AGBL1: variants seen among roughly 807,000 people sequenced by gnomAD.
AGBL1 encodes AGBL carboxypeptidase 1.
AGBL1 carries 130 observed loss-of-function variants against 118.9 expected under a neutral mutation model. That is an observed-to-expected ratio of 1.09 (90% confidence interval 0.95 to 1.26). The LOEUF is 1.26. AGBL1 is among the 50% of genes most tolerant of loss of function. The pLI is 0.00. For synonymous variants in AGBL1, 555 were observed against 478.9 expected (o/e 1.16, Z -2.08); for missense variants, 1,584 against 1,298.1 (o/e 1.22, Z -3.38).
chr15:86,554,652 T>G (rs2083707879), intron 21 of AGBL1, 115 bp downstream of exon 21: 1 of 1,118,344 alleles, frequency 8.9e-7, no homozygotes. Flanking sequence ...AAGTAGAGTT[T>G]GGTCCTCCCT....
intron 7 of AGBL1, among the ~76,000 whole-genome samples, chr15:86,255,855 A>G (rs1322644073): frequency 1.3e-5 from 2 of 151,956 alleles, no homozygotes; most frequent in African/African-American, 4.8e-5. Context: ...ATTTTTATTA[A>G]TTTTTTTCCT....
intron 21 of AGBL1, among the ~76,000 whole-genome samples, chr15:86,566,115 C>T (rs891814565): frequency 3.3e-5 from 5 of 150,766 alleles, no homozygotes; most frequent in Non-Finnish European, 5.9e-5. Flanking sequence ...TGGCTCACCT[C>T]GTTGGGCTGC....
At chr15:86,359,885 C>A (rs1431795012) in intron 17 of AGBL1, among the ~76,000 whole-genome samples, 2 of 151,768 alleles carry the variant, frequency 1.3e-5, no homozygotes, top group Non-Finnish European at 2.9e-5. Flanking sequence ...AGAAGTGTGA[C>A]TAATATTTTT....
rs141512076 is a variant in AGBL1 at position 86,125,041 on chromosome 15, C to T, written c.52-16963C>T. 1.5e-3 allele frequency among the ~76,000 whole-genome samples: 234 copies of T among 152,294 alleles called. 1 individual carries two copies. Among genetic ancestry groups the T allele is most frequent in the African/African-American group, 5.3e-3 (222 of 41,552 alleles). On this transcript the variant is annotated intron_variant, in intron 1 of 22. Coordinates refer to ENST00000614907, the MANE Select transcript of AGBL1 (RefSeq NM_001386094.1). ...GCATCTCTGATTCATGAGGGGCTCT[C>T]TGCTTGTGCTTGTCTAGCCAACCCA...
At chr15:86,129,504 G>T (rs1025483730) in intron 1 of AGBL1, among the ~76,000 whole-genome samples, 15 of 152,152 alleles carry the variant, frequency 9.9e-5, no homozygotes, top group African/African-American at 3.4e-4. Context: ...TCCCCATTAG[G>T]TTTACCGGGA....
At chr15:86,935,341 T>C (rs772925845) in intron 23 of AGBL1, 5 of 152,348 alleles carry the variant, frequency 3.3e-5, no homozygotes, top group East Asian at 1.9e-4. Flanking sequence ...TTAAAATTAA[T>C]TGTACACGTG....
chr15:87,020,047 C>A (rs2081647615), intron 24 of AGBL1, among the ~76,000 whole-genome samples: 1 of 134,346 alleles, frequency 7.4e-6, no homozygotes, highest in Non-Finnish European at 1.6e-5. Context: ...TGCACCCACC[C>A]AAGACTGAAC....
At chr15:86,283,440 A>T (rs1288958871) in intron 16 of AGBL1, among the ~76,000 whole-genome samples, 1 of 151,940 alleles carries the variant, frequency 6.6e-6, no homozygotes, top group East Asian at 1.9e-4. Flanking sequence ...ACCCACTGTG[A>T]AAGATGTGAA....
chr15:86,721,336 T>C (rs533697092), intron 22 of AGBL1, among the ~76,000 whole-genome samples: 85 of 152,342 alleles, frequency 5.6e-4, no homozygotes, highest in African/African-American at 1.9e-3. Flanking sequence ...GATGCAAGAC[T>C]GGTTCAACAT....
rs887201165 is a variant in AGBL1, at chr15:86,910,737, G to A, written c.*3443G>A. The A allele has an allele frequency of 2.6e-5, 4 of 152,232 alleles. No homozygotes were observed. The highest frequency in any genetic ancestry group is 9.7e-5 in the African/African-American group (4 of 41,444). The allele number at this position is 152,232 out of a possible 1,614,324, so 9.4% of individuals were successfully genotyped here. On this transcript the variant is annotated 3_prime_UTR_variant, in exon 23 of 23. Transcript: ENST00000614907. ...CCTCAGGAAGCAGAAGGAGAACAAA[G>A]AGAGGTGTACCTAACACTTGGTGAT... is the stretch of plus-strand genomic sequence containing the variant.
At chr15:86,282,549 A>AT (rs1250045356) in intron 16 of AGBL1, among the ~76,000 whole-genome samples, 15 of 152,164 alleles carry the variant, frequency 9.9e-5, no homozygotes, top group South Asian at 2.1e-4. Flanking sequence ...TGTATTCTCA[A>AT]TTTTAGGTTT....
At chr15:86,254,071 T>A (rs548239384) in intron 7 of AGBL1, among the ~76,000 whole-genome samples, 1 of 152,300 alleles carries the variant, frequency 6.6e-6, no homozygotes, top group African/African-American at 2.4e-5. Context: ...AACCCAGGAC[T>A]TTATACTCTT....
intron 3 of AGBL1, among the ~76,000 whole-genome samples, chr15:86,144,999 C>T (rs1286494417): frequency 6.6e-6 from 1 of 152,102 alleles, no homozygotes; most frequent in African/African-American, 2.4e-5. Context: ...TTCCATGCCC[C>T]TCTCCTCTGA....
intron 19 of AGBL1, among the ~76,000 whole-genome samples, chr15:86,535,770 A>T (rs2083417411): frequency 6.6e-6 from 1 of 152,214 alleles, no homozygotes; most frequent in East Asian, 1.9e-4. Flanking sequence ...TTTTAAAAGA[A>T]GCACAAAAGG....
intron 18 of AGBL1, among the ~76,000 whole-genome samples, chr15:86,426,371 G>T (rs2081866597): frequency 6.6e-6 from 1 of 152,140 alleles, no homozygotes; most frequent in Non-Finnish European, 1.5e-5. Flanking sequence ...CTTTTCCCAG[G>T]TCTGTCAAAT....
chr15:86,258,713 A>AT (rs888576116), intron 9 of AGBL1, among the ~76,000 whole-genome samples: 2,871 of 149,432 alleles, frequency 0.019, 90 homozygotes, highest in African/African-American at 0.064. Flanking sequence ...GTTCCAAGAA[A>AT]TTTTTTTTTT....
chr15:86,676,431 C>T (rs2085848301), intron 22 of AGBL1, among the ~76,000 whole-genome samples: 1 of 152,028 alleles, frequency 6.6e-6, no homozygotes, highest in Admixed American at 6.6e-5. Flanking sequence ...AGCTTATGGT[C>T]ACAAAAAGAT....
chr15:86,258,521 C>T (rs2078933381), intron 9 of AGBL1, among the ~76,000 whole-genome samples: 1 of 152,164 alleles, frequency 6.6e-6, no homozygotes, highest in South Asian at 2.1e-4. Flanking sequence ...AAGTGTTGCT[C>T]TTTGGTCCCC....
intron 1 of AGBL1, among the ~76,000 whole-genome samples, chr15:86,113,211 C>CTTTTTCTTT (rs1897506054): frequency 1.1e-5 from 1 of 94,362 alleles, no homozygotes; most frequent in Non-Finnish European, 2.5e-5. Context: ...TTTTCTTTTT[C>CTTTTTCTTT]TTTTTCTTTT....
Sources: gnomAD v4.1 joint callset for allele counts (sites outside exome capture counted in the v4.1 genomes callset) on GRCh38, gnomAD v4.1.1 for gene constraint, MANE v1.5 for transcripts, NCBI Gene and HGNC (gene_info 2026-07-23, HGNC 2026-07-21) for gene names.